Variants in MTOR observed in about 807,000 individuals in gnomAD.
The protein encoded by MTOR is mechanistic target of rapamycin kinase.
A neutral mutation model predicts 319.8 loss-of-function variants in MTOR; 70 were observed. The observed-to-expected ratio is 0.22, with a 90% confidence interval of 0.18 to 0.27. The LOEUF (loss-of-function observed/expected upper bound fraction) is 0.27, where lower values mean the gene tolerates loss of function less well. MTOR is among the 10% of genes least tolerant of loss of function. The probability of loss-of-function intolerance (pLI) is 1.00; values close to 1 mark genes in which losing one functional copy is unlikely to be tolerated. For synonymous variants in MTOR, 1,183 were observed against 1,211.4 expected (o/e 0.98, Z 0.49); for missense variants, 1,890 against 3,274.4 (o/e 0.58, Z 10.32).
rs143981313 is a variant in MTOR, at chr1:11,133,505, T to TTGA, written c.5247-311_5247-309dup. ...AAACCCAATTTTTTGTGGGTGACAG[T>TTGA]TGAGAGTTACTTCTTTATTGATTGC... is the stretch of plus-strand genomic sequence containing the variant. On this transcript the variant is annotated intron_variant, in intron 37 of 57. Coordinates refer to ENST00000361445, the MANE Select transcript of MTOR (RefSeq NM_004958.4). The surrounding 1 kb of genome is among the most constrained non-coding windows in gnomAD (Gnocchi z 4.0). Among the ~76,000 whole-genome samples the TTGA allele has an allele frequency of 2.8e-4, 43 of 151,748 alleles. No homozygotes were observed. Among genetic ancestry groups the TTGA allele is most frequent in the African/African-American group, 9.7e-4 (40 of 41,340 alleles).
intron 13 of MTOR, among the ~76,000 whole-genome samples, chr1:11,235,528 T>C (rs949086705): frequency 3.3e-5 from 5 of 152,182 alleles, no homozygotes; most frequent in Non-Finnish European, 7.3e-5. Flanking sequence ...CATGAAAATG[T>C]ACACCTCAAT....
At position 11,128,644 on chromosome 1, in the gene MTOR, G is replaced by T; in HGVS notation, c.5812-92C>A. The T allele has an allele frequency of 7.6e-7, 1 of 1,310,418 alleles. No homozygotes were observed. The highest frequency in any genetic ancestry group is 1.1e-6 in the Non-Finnish European group (1 of 917,730). 81.2% of individuals were successfully genotyped at this position (1,310,418 alleles called of 1,614,324 possible). A position where few individuals can be genotyped will look rare whatever the true frequency, so the allele number is the denominator to read the frequency against. ...AAGATCAATTCTTTTAACTTGTTTCGGTTGATGCTCTGAAATGGTTCATTC... is the reference window on the plus strand; with the variant it reads ...AAGATCAATTCTTTTAACTTGTTTCTGTTGATGCTCTGAAATGGTTCATTC... On this transcript the variant is annotated intron_variant, in intron 41 of 57. Coordinates refer to ENST00000361445, the MANE Select transcript of MTOR (RefSeq NM_004958.4). The surrounding 1 kb of genome is among the most constrained non-coding windows in gnomAD (Gnocchi z 5.3).
chr1:11,116,261 C>T (rs1286804926), intron 50 of MTOR, among the ~76,000 whole-genome samples: 1 of 152,192 alleles, frequency 6.6e-6, no homozygotes, highest in Non-Finnish European at 1.5e-5. Context: ...TTTATCTTAG[C>T]ACAGTGGTGA....
intron 31 of MTOR, among the ~76,000 whole-genome samples, chr1:11,147,142 A>G (rs1643957793): frequency 6.6e-6 from 1 of 152,218 alleles, no homozygotes; most frequent in Admixed American, 6.5e-5. Context: ...AGGTGCAACA[A>G]AATTGCTTTC....
At chr1:11,250,199 A>C in intron 6 of MTOR, among the ~76,000 whole-genome samples, 1 of 117,692 alleles carries the variant, frequency 8.5e-6, no homozygotes, top group East Asian at 3.3e-4. Context: ...TCCCTCCCGG[A>C]CGGGGCGGCT....
At chr1:11,113,042 A>G (rs1446694256) in intron 53 of MTOR, 125 bp from the exon 54 acceptor site, 1 of 974,980 alleles carries the variant, frequency 1.0e-6, no homozygotes, top group African/African-American at 1.6e-5. Flanking sequence ...AAAAGAGATG[A>G]CAGACATATT....
At chr1:11,236,813 C>G (rs948078232) in intron 13 of MTOR, among the ~76,000 whole-genome samples, 3 of 152,060 alleles carry the variant, frequency 2.0e-5, no homozygotes, top group Non-Finnish European at 4.4e-5. Context: ...GCCCGGCCTT[C>G]AACAATGATT....
chr1:11,237,996 T>G lies in MTOR; in HGVS notation c.2055A>C (p.Ala685=). Residue 685 remains alanine (A), a synonymous_variant, in exon 13 of 58, where the codon GCA becomes GCC. Transcript: ENST00000361445. The stretch of plus-strand genomic sequence containing the variant: ...GCAAGTTCTCCGCCTGGGCCAGGTG[T>G]GCATCAAAGCGCTCGTCCAGGGACG... The part of the protein sequence containing the change: ...VLASLDERFD[A]HLAQAENLQA... 2 of 1,614,190 alleles carry G rather than the reference T, an allele frequency of 1.2e-6. No homozygotes were observed. The highest frequency in any genetic ancestry group is 1.7e-6 in the Non-Finnish European group (2 of 1,180,030).
intron 47 of MTOR, among the ~76,000 whole-genome samples, chr1:11,123,685 T>C (rs748593680): frequency 6.6e-6 from 1 of 151,726 alleles, no homozygotes; most frequent in African/African-American, 2.4e-5. Context: ...TCCAGGATGG[T>C]CTTGAACTCC....
chr1:11,245,903 C>A (rs895471294), intron 8 of MTOR, among the ~76,000 whole-genome samples: 1 of 152,000 alleles, frequency 6.6e-6, no homozygotes, highest in Admixed American at 6.6e-5. Context: ...CAGCAAGACC[C>A]TGTCTCAAAA....
intron 10 of MTOR, 49 bp downstream of exon 10, chr1:11,241,504 G>A (rs1397289549): frequency 6.4e-7 from 1 of 1,568,518 alleles, no homozygotes; most frequent in Admixed American, 1.8e-5. Context: ...CAACACTGGG[G>A]GCCAAGCCTC....
intron 47 of MTOR, among the ~76,000 whole-genome samples, chr1:11,123,931 G>A (rs61773691): frequency 3.3e-5 from 5 of 152,070 alleles, no homozygotes; most frequent in African/African-American, 1.2e-4. Context: ...GGGATTACAG[G>A]TGGCCGCCAC....
At chr1:11,202,185 T>G (rs980138630) in intron 26 of MTOR, among the ~76,000 whole-genome samples, 1 of 152,112 alleles carries the variant, frequency 6.6e-6, no homozygotes, top group Admixed American at 6.6e-5. Context: ...ATCCCAGCAC[T>G]CTGGGAGGCC....
Position 11,109,261 on chromosome 1 carries a change from C to T in MTOR, c.7528+29G>A, listed in dbSNP as rs776253475. On this transcript the variant is annotated intron_variant, in intron 56 of 57. Transcript: ENST00000361445. The surrounding 1 kb of genome is among the most constrained non-coding windows in gnomAD (Gnocchi z 4.0). ...GGAAAGTGTGCTCAGATTTTATGTC[C>T]CTTTTAAGTAAACACATGACACACT... is the stretch of plus-strand genomic sequence containing the variant. The T allele has an allele frequency of 4.4e-6, 7 of 1,602,146 alleles. No homozygotes were observed. The highest frequency in any genetic ancestry group is 2.7e-5 in the African/African-American group (2 of 74,666).
intron 9 of MTOR, 66 bp downstream of exon 9, chr1:11,243,048 G>A: frequency 6.3e-7 from 1 of 1,583,940 alleles, no homozygotes; most frequent in South Asian, 1.1e-5. Flanking sequence ...CCGTGGATCT[G>A]AAATAGAGCG....
rs954253685 is a variant in MTOR at position 11,212,697 on chromosome 1, CA to C, written c.3398+98del. On this transcript the variant is annotated intron_variant, in intron 22 of 57. Coordinates refer to ENST00000361445, the MANE Select transcript of MTOR (RefSeq NM_004958.4). The surrounding 1 kb of genome is among the most constrained non-coding windows in gnomAD (Gnocchi z 4.1). ...ACTAAAATAATGTGAGTTGAAATAA[CA>C]AAAAAAATAGAAAGATGGCCTGGGA... is the stretch of plus-strand genomic sequence containing the variant. The C allele has an allele frequency of 2.2e-4, 271 of 1,208,782 alleles. No individual in the cohort carries two copies. The highest frequency in any genetic ancestry group is 2.7e-4 in the Non-Finnish European group (228 of 841,266). 74.9% of individuals were successfully genotyped at this position (1,208,782 alleles called of 1,614,324 possible).
At chr1:11,185,428 AAAAGAAAGAAAG>A (rs552054713) in intron 28 of MTOR, among the ~76,000 whole-genome samples, 2 of 150,476 alleles carry the variant, frequency 1.3e-5, no homozygotes, top group South Asian at 2.1e-4. Context: ...AAAAAAAAAG[AAAAGAAAGAAAG>A]AAAGAAAGAA....
chr1:11,187,853 T>C (rs1645373377), intron 28 of MTOR, among the ~76,000 whole-genome samples: 1 of 152,128 alleles, frequency 6.6e-6, no homozygotes, highest in Non-Finnish European at 1.5e-5. Flanking sequence ...CAACAGAATC[T>C]TTTGATTAGA....
chr1:11,211,379 T>C (rs1015046283), intron 23 of MTOR, among the ~76,000 whole-genome samples: 3 of 152,174 alleles, frequency 2.0e-5, no homozygotes, highest in African/African-American at 4.8e-5. Flanking sequence ...CAGTAGGTCT[T>C]AGGTGAGATG....
Sources: allele counts gnomAD v4.1 joint callset (sites outside exome capture counted in the v4.1 genomes callset), GRCh38; gene constraint gnomAD v4.1.1; non-coding constraint Gnocchi (gnomAD v3.1); transcripts MANE v1.5; gene names NCBI Gene and HGNC (gene_info 2026-07-23, HGNC 2026-07-21).